The following ZNF697 variants were observed in gnomAD, a reference collection of about 807,000 sequenced individuals.
ZNF697 encodes the protein zinc finger protein 697.
A neutral mutation model predicts 32.4 loss-of-function variants in ZNF697; 23 were observed. The observed-to-expected ratio is 0.71, with a 90% CI of 0.51 to 1.01. The LOEUF is 1.01. ZNF697 is among the 50% of genes least tolerant of loss of function. The probability of loss-of-function intolerance (pLI) is 0.00; values close to 1 mark genes in which losing one functional copy is unlikely to be tolerated. For synonymous variants in ZNF697, 418 were observed against 337.2 expected, an observed-to-expected ratio of 1.24 and a Z score of -2.62; for missense variants, 930 against 794.0, an observed-to-expected ratio of 1.17 and a Z score of -2.06.
intron 1 of ZNF697, among the ~76,000 whole-genome samples, chr1:119,631,016 C>T (rs1648747901): frequency 6.6e-6 from 1 of 152,186 alleles, no homozygotes; most frequent in African/African-American, 2.4e-5. Context: ...GAAATCTATC[C>T]CTATTGAACA....
chr1:119,643,828 T>C (rs1388266366), intron 1 of ZNF697, among the ~76,000 whole-genome samples: 7 of 152,204 alleles, frequency 4.6e-5, no homozygotes, highest in Non-Finnish European at 1.0e-4. Flanking sequence ...CAGCTTACAG[T>C]GGTCTGCTCT....
chr1:119,624,058 G>A lies in ZNF697; in HGVS notation c.285C>T (p.Ser95=), dbSNP rs12067843. The A allele has an allele frequency of 0.53, 849,593 of 1,607,624 alleles. 230,499 individuals are homozygous for A. The highest frequency in any genetic ancestry group is 0.79 in the East Asian group (35,289 of 44,522). ...GGAACATCGCCATGTCAGCTACACCGGATTGGTCATCCTCTTCCCCACGGA... is the reference window on the plus strand; with the variant it reads ...GGAACATCGCCATGTCAGCTACACCAGATTGGTCATCCTCTTCCCCACGGA... ...VSVRGEEDDQ[S]GVADMAMFPG... Residue 95 remains serine (S), a synonymous_variant, in exon 3 of 3, where the codon TCC becomes TCT. Transcript: ENST00000421812.
At chr1:119,643,116 C>T (rs931977464) in intron 1 of ZNF697, among the ~76,000 whole-genome samples, 2 of 152,174 alleles carry the variant, frequency 1.3e-5, no homozygotes, top group African/African-American at 2.4e-5. Flanking sequence ...ATGGTAAGAT[C>T]CTGATAAACT....
In ZNF697 at chr1:119,648,152, T is replaced by G. The variant is rs1397005218; in HGVS notation, c.-499A>C. On this transcript the variant is annotated 5_prime_UTR_variant, in exon 1 of 3. Transcript: ENST00000421812. ...CCGCACCGCAGCGCGTCTGCCCTTG[T>G]GCGGCGGCGGCGGCTGCAGCGGCCG... Among the ~76,000 whole-genome samples, 4 of 151,604 alleles carry G rather than the reference T, an allele frequency of 2.6e-5. No homozygotes were observed. Among genetic ancestry groups the G allele is most frequent in the African/African-American group, 9.7e-5 (4 of 41,296 alleles).
Position 119,623,287 on chromosome 1 carries a change from G to C in ZNF697, c.1056C>G (p.Pro352=). The change falls in exon 3 of 3, where the codon CCC becomes CCG. Residue 352 remains proline (P), a synonymous_variant. Transcript: ENST00000421812. ...ASGAGAAALR[P]FACGECGKGF... Reference sequence around the variant, plus strand: ...CCTTGCCGCACTCCCCGCAGGCGAAGGGCCGCAGCGCCGCCGCCCCCGCGC... The same window carrying C: ...CCTTGCCGCACTCCCCGCAGGCGAACGGCCGCAGCGCCGCCGCCCCCGCGC... 1 of 1,438,022 alleles carries C rather than the reference G, an allele frequency of 7.0e-7. No homozygotes were observed. Among genetic ancestry groups the C allele is most frequent in the Non-Finnish European group, 9.1e-7 (1 of 1,098,742 alleles). 89.1% of individuals were successfully genotyped at this position (1,438,022 alleles called of 1,614,324 possible). A position where few individuals can be genotyped will look rare whatever the true frequency, so the allele number is the denominator to read the frequency against.
chr1:119,641,882 A>G (rs1390783362), intron 1 of ZNF697, among the ~76,000 whole-genome samples: 2 of 152,218 alleles, frequency 1.3e-5, no homozygotes, highest in Non-Finnish European at 2.9e-5. Flanking sequence ...CTGTGAGTCA[A>G]TTAAACCTCT....
intron 2 of ZNF697, among the ~76,000 whole-genome samples, chr1:119,624,479 T>G (rs1648512881): frequency 6.6e-6 from 1 of 152,230 alleles, no homozygotes. Flanking sequence ...GAGAAAAGGT[T>G]TACTCACTCC....
intron 1 of ZNF697, among the ~76,000 whole-genome samples, chr1:119,626,357 ACT>A (rs2101081866): frequency 6.6e-6 from 1 of 152,198 alleles, no homozygotes; most frequent in African/African-American, 2.4e-5. Flanking sequence ...TTGGATGCCA[ACT>A]CTCACTGGAC....
In ZNF697 at chr1:119,637,902, T is replaced by C. The variant is rs376914360; in HGVS notation, c.-38+9789A>G. On this transcript the variant is annotated intron_variant, in intron 1 of 2. Transcript: ENST00000421812. ...ACTGAATAATACTGAGTCCTTTGTATACTATTTGAAAAAAGTCATCGTCTG... is the reference window on the plus strand; with the variant it reads ...ACTGAATAATACTGAGTCCTTTGTACACTATTTGAAAAAAGTCATCGTCTG... Among the ~76,000 whole-genome samples, 18 of 151,870 alleles carry C rather than the reference T, an allele frequency of 1.2e-4. No individual in the cohort carries two copies. The East Asian group carries it at 2.3e-3, about 20-fold the overall frequency.
intron 2 of ZNF697, 97 bp from the exon 3 acceptor site, chr1:119,624,213 C>G: frequency 7.2e-7 from 1 of 1,382,406 alleles, no homozygotes; most frequent in Non-Finnish European, 9.6e-7. Context: ...GATCCCCTCC[C>G]TCAGGCACTC....
At chr1:119,643,150 A>C (rs1649122235) in intron 1 of ZNF697, among the ~76,000 whole-genome samples, 2 of 152,216 alleles carry the variant, frequency 1.3e-5, no homozygotes. Context: ...TGTATATCTG[A>C]AGTAACTCTC....
intron 1 of ZNF697, among the ~76,000 whole-genome samples, chr1:119,636,297 C>G (rs1015641744): frequency 4.6e-5 from 7 of 152,186 alleles, no homozygotes; most frequent in African/African-American, 1.2e-4. Flanking sequence ...GACACTTTCT[C>G]CTGATGAGAA....
chr1:119,623,314 G>T lies in ZNF697; in HGVS notation c.1029C>A (p.Ser343Arg). 7.7e-7 allele frequency: 1 copy of T among 1,303,092 alleles called. No individual in the cohort carries two copies. The highest frequency in any genetic ancestry group is 9.7e-7 in the Non-Finnish European group (1 of 1,028,430). The allele number at this position is 1,303,092 out of a possible 1,614,324, so 80.7% of individuals were successfully genotyped here. A position where few individuals can be genotyped will look rare whatever the true frequency, so the allele number is the denominator to read the frequency against. The change falls in exon 3 of 3, where the codon AGC (serine) becomes AGA (arginine). Residue 343 changes from serine (S) to arginine (R), a missense_variant. Transcript: ENST00000421812. The stretch of plus-strand genomic sequence containing the variant: ...GCCGCAGCGCCGCCGCCCCCGCGCC[G>T]CTGGCCGCCGCGTGCGCGCGCCGGT... Reference protein sequence around the residue: ...LSHRRAHAAASGAGAAALRPF... With the variant: ...LSHRRAHAAARGAGAAALRPF...
In ZNF697 at chr1:119,626,175, C is replaced by T. The variant is rs984919489; in HGVS notation, c.-37-38G>A. On this transcript the variant is annotated intron_variant, in intron 1 of 2. Transcript: ENST00000421812. ...AACACAAAGAAAGGTCACGTCAGTCCGGTCTCATCCCCTCACCACGCCCAG... is the reference window on the plus strand; with the variant it reads ...AACACAAAGAAAGGTCACGTCAGTCTGGTCTCATCCCCTCACCACGCCCAG... 2.4e-5 allele frequency: 38 copies of T among 1,582,356 alleles called. No individual in the cohort carries two copies. In the East Asian group the frequency reaches 4.0e-4, roughly 17 times the overall value.
chr1:119,633,291 T>C (rs1428552490), intron 1 of ZNF697, among the ~76,000 whole-genome samples: 1 of 152,152 alleles, frequency 6.6e-6, no homozygotes, highest in East Asian at 1.9e-4. Context: ...TGAGGACATA[T>C]ACTTGTCTTT....
At chr1:119,639,105 A>G (rs1343605413) in intron 1 of ZNF697, among the ~76,000 whole-genome samples, 1 of 152,214 alleles carries the variant, frequency 6.6e-6, no homozygotes, top group Non-Finnish European at 1.5e-5. Context: ...TCTTTGCTAC[A>G]AATCAGCTCC....
intron 1 of ZNF697, among the ~76,000 whole-genome samples, chr1:119,643,693 C>T (rs1649136993): frequency 6.6e-6 from 1 of 152,136 alleles, no homozygotes; most frequent in Non-Finnish European, 1.5e-5. Flanking sequence ...CTCAGATGTG[C>T]ATGACATCTG....
At chr1:119,633,081 C>T (rs1648822731) in intron 1 of ZNF697, among the ~76,000 whole-genome samples, 1 of 152,136 alleles carries the variant, frequency 6.6e-6, no homozygotes, top group Admixed American at 6.5e-5. Context: ...GTTTGCATTT[C>T]AGGAAATCAC....
chr1:119,622,517 G>A lies in ZNF697; in HGVS notation c.*188C>T. On this transcript the variant is annotated 3_prime_UTR_variant, in exon 3 of 3. Transcript: ENST00000421812. The stretch of plus-strand genomic sequence containing the variant: ...CAATTCTTCCGTGGAGAGGAGGCAA[G>A]TATAGCACCGGGAAAGACCAACTTA... 9.0e-7 allele frequency: 1 copy of A among 1,116,982 alleles called. No individual in the cohort carries two copies. Among genetic ancestry groups the A allele is most frequent in the South Asian group, 1.8e-5 (1 of 54,618 alleles). The allele number at this position is 1,116,982 out of a possible 1,614,324, so 69.2% of individuals were successfully genotyped here. A position where few individuals can be genotyped will look rare whatever the true frequency, so the allele number is the denominator to read the frequency against.
Sources: gnomAD v4.1 joint callset for allele counts (sites outside exome capture counted in the v4.1 genomes callset) on GRCh38, gnomAD v4.1.1 for gene constraint, MANE v1.5 for transcripts, NCBI Gene and HGNC (gene_info 2026-07-23, HGNC 2026-07-21) for gene names.